Variants in POLR1A observed in about 807,000 individuals in gnomAD.
POLR1A encodes RNA polymerase I subunit A.
Under a neutral mutation model 205.3 loss-of-function variants are expected in POLR1A, and 84 were observed. The observed-to-expected ratio is 0.41, with a 90% CI of 0.34 to 0.49. POLR1A has a LOEUF of 0.49. Ranked by LOEUF, POLR1A falls within the 20% of genes least tolerant of loss-of-function variation. The pLI, the probability that POLR1A is intolerant of heterozygous loss-of-function variation, is 0.22. For synonymous variants in POLR1A, 799 were observed against 863.7 expected (o/e 0.93, Z 1.31); for missense variants, 1,645 against 2,204.5 (o/e 0.75, Z 5.08).
At chr2:86,044,450 G>GCCCAGA in intron 21 of POLR1A, 146 bp from the exon 22 acceptor site, 2 of 786,968 alleles carry the variant, frequency 2.5e-6, no homozygotes, top group Non-Finnish European at 4.0e-6. Context: ...TAGATCCAAT[G>GCCCAGA]CCCCGGGGTC....
chr2:86,105,610 A>G, intron 1 of POLR1A, 90 bp downstream of exon 1: 1 of 830,962 alleles, frequency 1.2e-6, no homozygotes, highest in South Asian at 1.4e-5. Context: ...ACTCAAGAGG[A>G]TAGACTGGGC....
intron 14 of POLR1A, among the ~76,000 whole-genome samples, chr2:86,061,036 G>T (rs1382335981): frequency 6.6e-6 from 1 of 152,168 alleles, no homozygotes; most frequent in Non-Finnish European, 1.5e-5. Flanking sequence ...TGGCCAATAA[G>T]CATATGAAGA....
At chr2:86,039,187 C>T in intron 26 of POLR1A, 140 bp downstream of exon 26, 5 of 914,278 alleles carry the variant, frequency 5.5e-6, no homozygotes, top group Non-Finnish European at 8.4e-6. Context: ...TGCTCAGCAC[C>T]TGGCAGAGAC....
chr2:86,047,354 A>G, intron 18 of POLR1A, 91 bp from the exon 19 acceptor site: 1 of 834,162 alleles, frequency 1.2e-6, no homozygotes. Context: ...GAAGCAATAC[A>G]GCCAGAATAT....
At position 86,065,297 on chromosome 2, in the gene POLR1A, A is replaced by G; in HGVS notation, c.2035T>C (p.Phe679Leu). 6.2e-7 allele frequency: 1 copy of G among 1,614,012 alleles called. No homozygotes were observed. Among genetic ancestry groups the G allele is most frequent in the Non-Finnish European group, 8.5e-7 (1 of 1,179,960 alleles). ...KLLSPSILKP[F>L]PLWTGKQVVS... is the part of the protein sequence containing the mutation. ...ACCTGTTTTCCTGTCCACAGCGGAA[A>G]GGGCTTCAGGATGGAAGGAGAAAGG... The change falls in exon 14 of 34, where the codon TTT becomes CTT. Residue 679 changes from phenylalanine to leucine, a missense_variant. Physicochemically the swap from Phe to Leu is conservative, Grantham distance 22. Coordinates refer to ENST00000263857, the MANE Select transcript of POLR1A (RefSeq NM_015425.6).
Position 86,088,888 on chromosome 2 carries a change from G to A in POLR1A, c.541-18C>T. ...TTCTTTACCTGTTTTTTTAAAAAAA[G>A]TCAGAGAACCTTGGAGTGCCATTTT... On this transcript the variant is annotated intron_variant, in intron 4 of 33. Coordinates refer to ENST00000263857, the MANE Select transcript of POLR1A (RefSeq NM_015425.6). The A allele has an allele frequency of 6.3e-7, 1 of 1,579,792 alleles. No homozygotes were observed.
In POLR1A at chr2:86,088,665, C is replaced by T. The variant is rs375330613; in HGVS notation, c.631G>A (p.Gly211Arg). 1.8e-5 allele frequency: 29 copies of T among 1,613,296 alleles called. No homozygotes were observed. The African/African-American group carries it at 3.2e-4, about 18-fold the overall frequency. The change falls in exon 6 of 34, where the codon GGG becomes AGG. Residue 211 changes from glycine to arginine, a missense_variant. Physicochemically the swap from Gly to Arg is moderately radical, Grantham distance 125. Around this residue, in one of 16 missense-constraint regions of POLR1A, gnomAD observed 330 missense variants for 375.6 expected, o/e 0.88. Transcript: ENST00000263857. ...TGTTCCTTTCGGACAACGGATCGCC[C>T]GGTCCTGTGCAGGAGGACAGTTGTG... Reference protein sequence around the residue: ...NAKRCPHCKTGRSVVRKEHNS... With the variant: ...NAKRCPHCKTRRSVVRKEHNS...
chr2:86,083,656 C>T (rs1673443597), intron 6 of POLR1A, among the ~76,000 whole-genome samples: 1 of 152,134 alleles, frequency 6.6e-6, no homozygotes, highest in South Asian at 2.1e-4. Context: ...TAACCATATT[C>T]TCATAATTGG....
In POLR1A at chr2:86,030,318, T is replaced by C. The variant is rs752301296; in HGVS notation, c.4657A>G (p.Ile1553Val). Residue 1553 changes from isoleucine (I) to valine (V), a missense_variant, in exon 31 of 34, where the codon ATC becomes GTC. Physicochemically the swap from Ile to Val is conservative, Grantham distance 29 (BLOSUM62 3). Around this residue, in one of 16 missense-constraint regions of POLR1A, gnomAD observed 394 missense variants for 468.5 expected, o/e 0.84. Coordinates refer to ENST00000263857, the MANE Select transcript of POLR1A (RefSeq NM_015425.6). ...CGAGTGATGCCCTTGGTCGCATAGA[T>C]GACGGCACCATGGGCCAAAGATACT... The part of the protein sequence containing the change: ...LVVSLAHGAV[I>V]YATKGITRCL... 4 of 1,614,046 alleles carry C rather than the reference T, an allele frequency of 2.5e-6. No homozygotes were observed. The highest frequency in any genetic ancestry group is 3.4e-6 in the Non-Finnish European group (4 of 1,179,872).
chr2:86,039,479 G>C lies in POLR1A; in HGVS notation c.3741-17C>G, dbSNP rs750723691. The C allele has an allele frequency of 1.2e-6, 2 of 1,614,022 alleles. No homozygotes were observed. The highest frequency in any genetic ancestry group is 8.5e-7 in the Non-Finnish European group (1 of 1,179,964). On this transcript the variant is annotated splice_polypyrimidine_tract_variant and intron_variant, in intron 25 of 33. Coordinates refer to ENST00000263857, the MANE Select transcript of POLR1A (RefSeq NM_015425.6). ...TCCCGCAACCTGTCACAGAATAAGG[G>C]CACATCCAATCATGAGTGGCAACCA...
rs1376982623 is a variant in POLR1A at position 86,046,664 on chromosome 2, T to C, written c.2733+501A>G. Among the ~76,000 whole-genome samples, 4 of 152,176 alleles carry C rather than the reference T, an allele frequency of 2.6e-5. No individual in the cohort carries two copies. In the East Asian group the frequency reaches 7.7e-4, roughly 29 times the overall value. On this transcript the variant is annotated intron_variant, in intron 19 of 33. Coordinates refer to ENST00000263857, the MANE Select transcript of POLR1A (RefSeq NM_015425.6). The stretch of plus-strand genomic sequence containing the variant: ...ATTGAAAGCATCCTGGCCAACATGG[T>C]GAAACCCCGTCTCTACTAAAAATAC...
rs371432475 is a variant in POLR1A, at chr2:86,088,556, G to C, written c.730+10C>G. On this transcript the variant is annotated intron_variant, in intron 6 of 33. Coordinates refer to ENST00000263857, the MANE Select transcript of POLR1A (RefSeq NM_015425.6). ...CACATGGAGCTCCTCTCCAGACCCA[G>C]CCTGCTCACCCAGGGGCTCAGAGTC... The C allele has an allele frequency of 1.1e-4, 175 of 1,590,952 alleles. No homozygotes were observed. Among genetic ancestry groups the C allele is most frequent in the Middle Eastern group, 1.7e-4 (1 of 6,022 alleles).
intron 14 of POLR1A, among the ~76,000 whole-genome samples, chr2:86,060,504 G>A (rs1397907179): frequency 6.6e-6 from 1 of 152,138 alleles, no homozygotes; most frequent in Admixed American, 6.5e-5. Context: ...TGGTGCAATG[G>A]AAACAAACAG....
intron 11 of POLR1A, among the ~76,000 whole-genome samples, chr2:86,076,717 C>G (rs1441742342): frequency 6.6e-6 from 1 of 152,138 alleles, no homozygotes; most frequent in Non-Finnish European, 1.5e-5. Flanking sequence ...GAAAGAGAAC[C>G]CAGCACCTAG....
chr2:86,077,802 C>A, intron 11 of POLR1A, 57 bp downstream of exon 11: 1 of 921,862 alleles, frequency 1.1e-6, no homozygotes. Context: ...GAGCCCTGCA[C>A]GCGCGCGCGC....
intron 28 of POLR1A, among the ~76,000 whole-genome samples, chr2:86,033,353 C>T (rs1160291882): frequency 1.3e-5 from 2 of 152,268 alleles, no homozygotes; most frequent in Non-Finnish European, 2.9e-5. Context: ...CAGCGCACGC[C>T]ATGACCTCGA....
In POLR1A at chr2:86,030,745, C is replaced by T. The variant is rs191716305; in HGVS notation, c.4579-349G>A. Among the ~76,000 whole-genome samples the T allele has an allele frequency of 3.6e-3, 541 of 152,320 alleles. 7 individuals are homozygous for T. Among genetic ancestry groups the T allele is most frequent in the Admixed American group, 0.033 (500 of 15,300 alleles). ...ATCCCATCAGTGGTTCTTGTTATTA[C>T]CCCATCACTTGGGAACCACTGAACT... On this transcript the variant is annotated intron_variant, in intron 30 of 33. Coordinates refer to ENST00000263857, the MANE Select transcript of POLR1A (RefSeq NM_015425.6).
intron 13 of POLR1A, 50 bp from the exon 14 acceptor site, chr2:86,065,515 C>T (rs1673071486): frequency 1.3e-6 from 2 of 1,544,964 alleles, no homozygotes; most frequent in Admixed American, 3.6e-5. Context: ...AATCTTAAGT[C>T]AAACTCTAAT....
In POLR1A at chr2:86,042,956, A is replaced by G; in HGVS notation, c.3357+18T>C. 2 of 1,586,518 alleles carry G rather than the reference A, an allele frequency of 1.3e-6. No individual in the cohort carries two copies. The highest frequency in any genetic ancestry group is 2.2e-5 in the South Asian group (2 of 90,512). ...CCTGGACGTGCTGGACATTAAGGAC[A>G]CCACCTCCCTGCATCACCTCCTGAG... On this transcript the variant is annotated intron_variant, in intron 23 of 33. Coordinates refer to ENST00000263857, the MANE Select transcript of POLR1A (RefSeq NM_015425.6).
Sources: allele counts gnomAD v4.1 joint callset (sites outside exome capture counted in the v4.1 genomes callset), GRCh38; gene constraint gnomAD v4.1.1; regional missense constraint gnomAD v4.1.1; transcripts MANE v1.5; gene names NCBI Gene and HGNC (gene_info 2026-07-23, HGNC 2026-07-21).